SPIDR: variants seen among roughly 807,000 people sequenced by gnomAD.
SPIDR encodes DNA repair-scaffolding protein.
SPIDR carries 93 observed loss-of-function variants against 104.6 expected under a neutral mutation model. The ratio of observed to expected loss-of-function variants is 0.89; its 90% CI spans 0.75 to 1.06. The LOEUF is 1.06. SPIDR is among the 50% of genes least tolerant of loss of function. The pLI is 0.00. For missense variants in SPIDR, 1,154 were observed against 1,111.2 expected, an observed-to-expected ratio of 1.04 and a Z score of -0.55; for synonymous variants, 431 against 416.9, an observed-to-expected ratio of 1.03 and a Z score of -0.41.
chr8:47,307,931 A>C (rs587686240), intron 5 of SPIDR, among the ~76,000 whole-genome samples: 1 of 149,852 alleles, frequency 6.7e-6, no homozygotes, highest in South Asian at 2.1e-4. Context: ...GTGTTGTTTT[A>C]TTTTTTTTTC....
At chr8:47,407,249 T>A (rs2062879274) in intron 6 of SPIDR, among the ~76,000 whole-genome samples, 1 of 152,254 alleles carries the variant, frequency 6.6e-6, no homozygotes, top group Admixed American at 6.5e-5. Flanking sequence ...GTTTTCTTTT[T>A]TATAACATTG....
chr8:47,675,056 G>A (rs771059178), intron 11 of SPIDR, among the ~76,000 whole-genome samples: 1 of 152,114 alleles, frequency 6.6e-6, no homozygotes, highest in Non-Finnish European at 1.5e-5. Flanking sequence ...TTGTTTTTGA[G>A]ACAGAGTTTC....
At chr8:47,560,435 G>A (rs1435641326) in intron 8 of SPIDR, among the ~76,000 whole-genome samples, 2 of 152,136 alleles carry the variant, frequency 1.3e-5, no homozygotes, top group Non-Finnish European at 2.9e-5. Context: ...CCCGCCTGCA[G>A]CTGTCCTCTT....
At chr8:47,507,543 G>A (rs2081674393) in intron 8 of SPIDR, among the ~76,000 whole-genome samples, 1 of 152,234 alleles carries the variant, frequency 6.6e-6, no homozygotes, top group South Asian at 2.1e-4. Flanking sequence ...CCTGGTGGGG[G>A]GCTGAGGGAA....
At chr8:47,305,531 T>TA (rs2042951221) in intron 5 of SPIDR, among the ~76,000 whole-genome samples, 2 of 152,128 alleles carry the variant, frequency 1.3e-5, no homozygotes, top group Non-Finnish European at 2.9e-5. Context: ...CGGAAAAGTT[T>TA]AAAAAAACAG....
chr8:47,345,686 G>A (rs1190073176), intron 5 of SPIDR, among the ~76,000 whole-genome samples: 3 of 152,162 alleles, frequency 2.0e-5, no homozygotes, highest in Admixed American at 6.5e-5. Context: ...CAAATCCCTT[G>A]TAAGTTGGAT....
intron 10 of SPIDR, among the ~76,000 whole-genome samples, chr8:47,611,321 A>G (rs1377825251): frequency 6.6e-6 from 1 of 152,190 alleles, no homozygotes; most frequent in Non-Finnish European, 1.5e-5. Context: ...AGTCAGTGTA[A>G]ACAAACAGGG....
intron 5 of SPIDR, among the ~76,000 whole-genome samples, chr8:47,384,397 G>A (rs1588004081): frequency 6.6e-6 from 1 of 152,158 alleles, no homozygotes; most frequent in Non-Finnish European, 1.5e-5. Flanking sequence ...ATGAAACCTA[G>A]CATTGAAGAA....
At chr8:47,355,834 A>G (rs781957238) in intron 5 of SPIDR, among the ~76,000 whole-genome samples, 6 of 152,242 alleles carry the variant, frequency 3.9e-5, no homozygotes, top group Non-Finnish European at 7.3e-5. Flanking sequence ...TAGATTTCTC[A>G]GAAAACCTTT....
At chr8:47,625,204 T>A (rs993719963) in intron 10 of SPIDR, among the ~76,000 whole-genome samples, 16 of 152,178 alleles carry the variant, frequency 1.1e-4, no homozygotes, top group Admixed American at 1.0e-3. Context: ...TGCTAAAAAC[T>A]CTCAATAAAT....
intron 5 of SPIDR, among the ~76,000 whole-genome samples, chr8:47,387,882 T>C (rs2060140930): frequency 2.0e-5 from 3 of 152,202 alleles, no homozygotes; most frequent in East Asian, 1.9e-4. Context: ...TTCAGTGATA[T>C]CTAAACTGTT....
At chr8:47,475,422 G>C (rs1157312773) in intron 8 of SPIDR, among the ~76,000 whole-genome samples, 1 of 152,224 alleles carries the variant, frequency 6.6e-6, no homozygotes, top group Non-Finnish European at 1.5e-5. Flanking sequence ...TAAAGAAACA[G>C]ATACTGAGGA....
intron 5 of SPIDR, among the ~76,000 whole-genome samples, chr8:47,302,540 G>C (rs1200816264): frequency 6.6e-6 from 1 of 152,104 alleles, no homozygotes; most frequent in Non-Finnish European, 1.5e-5. Flanking sequence ...AGAGTTTCCA[G>C]TTTTTCTGCT....
At chr8:47,420,250 A>C (rs2065181275) in intron 7 of SPIDR, among the ~76,000 whole-genome samples, 1 of 152,092 alleles carries the variant, frequency 6.6e-6, no homozygotes. Flanking sequence ...GTGGGAGTCT[A>C]AGTCTCTTTT....
intron 10 of SPIDR, among the ~76,000 whole-genome samples, chr8:47,629,257 A>G (rs2066678595): frequency 6.6e-6 from 1 of 152,240 alleles, no homozygotes; most frequent in Non-Finnish European, 1.5e-5. Context: ...ATTAAGTGAG[A>G]TAACAAAGAT....
intron 8 of SPIDR, among the ~76,000 whole-genome samples, chr8:47,583,323 A>T (rs1450326356): frequency 6.6e-6 from 1 of 150,840 alleles, no homozygotes; most frequent in Non-Finnish European, 1.5e-5. Flanking sequence ...AAAAAAAAAA[A>T]GTATCAGTGG....
intron 10 of SPIDR, among the ~76,000 whole-genome samples, chr8:47,627,136 G>A (rs1333291619): frequency 6.6e-6 from 1 of 152,034 alleles, no homozygotes; most frequent in Non-Finnish European, 1.5e-5. Context: ...ACTATCACAA[G>A]GACAAAAAAC....
intron 5 of SPIDR, among the ~76,000 whole-genome samples, chr8:47,389,734 G>T (rs990724769): frequency 2.1e-5 from 3 of 145,124 alleles, no homozygotes; most frequent in Non-Finnish European, 4.5e-5. Context: ...CAAAAATTTC[G>T]CCCAAGTACA....
At chr8:47,496,929 G>T (rs749288115) in intron 8 of SPIDR, among the ~76,000 whole-genome samples, 1 of 151,962 alleles carries the variant, frequency 6.6e-6, no homozygotes, top group African/African-American at 2.4e-5. Flanking sequence ...AGTTTTGGGA[G>T]TTTGTGCCTT....
Sources: allele counts gnomAD v4.1 joint callset (sites outside exome capture counted in the v4.1 genomes callset), GRCh38; gene constraint gnomAD v4.1.1; transcripts MANE v1.5; gene names NCBI Gene and HGNC (gene_info 2026-07-23, HGNC 2026-07-21).